RIPOR2: variants seen among roughly 807,000 people sequenced by gnomAD.
RIPOR2 encodes rho family-interacting cell polarization regulator 2.
A neutral mutation model predicts 114.5 loss-of-function variants in RIPOR2; 39 were observed. The observed-to-expected ratio is 0.34, with a 90% CI of 0.26 to 0.44. The LOEUF is 0.44. Ranked by LOEUF, RIPOR2 falls within the 20% of genes least tolerant of loss-of-function variation. The pLI, the probability that RIPOR2 is intolerant of heterozygous loss-of-function variation, is 1.00. For synonymous variants in RIPOR2, 445 were observed against 484.4 expected, an observed-to-expected ratio of 0.92 and a Z score of 1.07; for missense variants, 1,007 against 1,255.1, an observed-to-expected ratio of 0.80 and a Z score of 2.99.
At chr6:24,864,501 C>A (rs1349604735) in intron 7 of RIPOR2, among the ~76,000 whole-genome samples, 1 of 152,156 alleles carries the variant, frequency 6.6e-6, no homozygotes, top group African/African-American at 2.4e-5. Context: ...AGGGCTGAAC[C>A]AGATGCTCAG....
chr6:24,851,241 G>A (rs550714063), intron 9 of RIPOR2, among the ~76,000 whole-genome samples: 2 of 152,186 alleles, frequency 1.3e-5, no homozygotes, highest in Non-Finnish European at 2.9e-5. Flanking sequence ...AGACAGGGAG[G>A]GTACAGGTTT....
At chr6:24,953,365 A>G (rs998219196) in intron 1 of RIPOR2, among the ~76,000 whole-genome samples, 12 of 152,098 alleles carry the variant, frequency 7.9e-5, no homozygotes, top group African/African-American at 2.2e-4. Flanking sequence ...AAATGAAATC[A>G]TAAGTGTGGG....
At chr6:24,984,762 C>T (rs2113596945) in intron 1 of RIPOR2, among the ~76,000 whole-genome samples, 1 of 152,232 alleles carries the variant, frequency 6.6e-6, no homozygotes, top group South Asian at 2.1e-4. Flanking sequence ...ATGAATTCAC[C>T]CATGATTTAG....
intron 18 of RIPOR2, among the ~76,000 whole-genome samples, chr6:24,825,825 C>T (rs1760129413): frequency 6.6e-6 from 1 of 152,178 alleles, no homozygotes; most frequent in Admixed American, 6.5e-5. Flanking sequence ...AAACCCCAAT[C>T]CTGGGTGAAC....
chr6:24,871,781 T>G (rs1019096308), intron 4 of RIPOR2, among the ~76,000 whole-genome samples: 2 of 152,354 alleles, frequency 1.3e-5, no homozygotes, highest in Non-Finnish European at 2.9e-5. Flanking sequence ...TTGAAGGATT[T>G]TTACGGAACA....
chr6:25,005,740 T>TATATATATATACAC (rs1491374316), intron 1 of RIPOR2, among the ~76,000 whole-genome samples: 2 of 104,510 alleles, frequency 1.9e-5, no homozygotes, highest in South Asian at 3.7e-4. Context: ...TATATATATA[T>TATATATATATACAC]ACATTTACCG....
At chr6:25,034,507 C>CT (rs766202143) in intron 1 of RIPOR2, among the ~76,000 whole-genome samples, 20 of 152,256 alleles carry the variant, frequency 1.3e-4, no homozygotes, top group Non-Finnish European at 2.8e-4. Context: ...GATACACTAG[C>CT]TTAATGCTTC....
At chr6:25,023,003 T>G (rs1035180684) in intron 1 of RIPOR2, among the ~76,000 whole-genome samples, 18 of 152,016 alleles carry the variant, frequency 1.2e-4, no homozygotes, top group African/African-American at 4.4e-4. Context: ...GTCAATTTTT[T>G]TTTTTACTAG....
In RIPOR2 at chr6:24,822,809, T is replaced by C. The variant is rs1335196198; in HGVS notation, c.2868+2417A>G. Among the ~76,000 whole-genome samples, 4 of 152,342 alleles carry C rather than the reference T, an allele frequency of 2.6e-5. No homozygotes were observed. In the East Asian group the frequency reaches 7.7e-4, roughly 29 times the overall value. ...TGTTGGGATTACAGGCGTGAGCCAC[T>C]GCGCCCGGCCTATTTATTTATTGTT... On this transcript the variant is annotated intron_variant, in intron 19 of 21. Coordinates refer to ENST00000643898, the MANE Select transcript of RIPOR2 (RefSeq NM_001286445.3).
At chr6:24,952,910 T>G (rs978602597) in intron 1 of RIPOR2, among the ~76,000 whole-genome samples, 1 of 152,242 alleles carries the variant, frequency 6.6e-6, no homozygotes. Context: ...TAGGGGAAAG[T>G]GCTGGGCATA....
At chr6:24,905,849 A>G (rs1184040106) in intron 1 of RIPOR2, among the ~76,000 whole-genome samples, 1 of 152,182 alleles carries the variant, frequency 6.6e-6, no homozygotes, top group Non-Finnish European at 1.5e-5. Flanking sequence ...CTTCCTTCCA[A>G]GAGCTCTCCT....
chr6:24,828,706 TG>T (rs1310874783), intron 17 of RIPOR2, among the ~76,000 whole-genome samples: 1 of 150,752 alleles, frequency 6.6e-6, no homozygotes. Flanking sequence ...AAATATATAA[TG>T]AATAAATATT....
chr6:24,885,880 A>G, intron 1 of RIPOR2, among the ~76,000 whole-genome samples: 1 of 152,234 alleles, frequency 6.6e-6, no homozygotes, highest in East Asian at 1.9e-4. Context: ...ATGCTAAGGA[A>G]GCTAGAAACT....
chr6:24,857,356 A>C (rs1318623190), intron 8 of RIPOR2, among the ~76,000 whole-genome samples: 1 of 152,148 alleles, frequency 6.6e-6, no homozygotes, highest in Non-Finnish European at 1.5e-5. Context: ...TCAAAAAACC[A>C]TCATGGGGGT....
intron 1 of RIPOR2, among the ~76,000 whole-genome samples, chr6:24,949,494 T>C (rs1309663940): frequency 6.6e-6 from 1 of 152,192 alleles, no homozygotes; most frequent in Non-Finnish European, 1.5e-5. Context: ...TCAGGGCTTT[T>C]CAGGACATCT....
At chr6:24,990,558 C>T (rs4712872) in intron 1 of RIPOR2, among the ~76,000 whole-genome samples, 56,986 of 152,006 alleles carry the variant, frequency 0.37, 10,897 homozygotes, top group South Asian at 0.43. Flanking sequence ...AGTTTAAAAG[C>T]CGCTGTTTCA....
intron 1 of RIPOR2, among the ~76,000 whole-genome samples, chr6:24,993,971 A>G (rs1774940773): frequency 6.6e-6 from 1 of 152,174 alleles, no homozygotes; most frequent in African/African-American, 2.4e-5. Flanking sequence ...TAATCAATTA[A>G]TTTGCAGTTG....
intron 1 of RIPOR2, among the ~76,000 whole-genome samples, chr6:24,946,760 T>C (rs1204571922): frequency 6.6e-6 from 1 of 152,188 alleles, no homozygotes; most frequent in Non-Finnish European, 1.5e-5. Context: ...GCCATCCCTT[T>C]GCACATACTA....
chr6:24,885,233 G>A (rs1274804027), intron 1 of RIPOR2, among the ~76,000 whole-genome samples: 1 of 151,726 alleles, frequency 6.6e-6, no homozygotes, highest in Non-Finnish European at 1.5e-5. Context: ...TTGTTTTTTT[G>A]AGACAGAGTC....
Sources: allele counts gnomAD v4.1 joint callset (sites outside exome capture counted in the v4.1 genomes callset), GRCh38; gene constraint gnomAD v4.1.1; transcripts MANE v1.5; gene names NCBI Gene and HGNC (gene_info 2026-07-23, HGNC 2026-07-21).